Variants in TRIP12 observed in about 807,000 individuals in gnomAD.
The protein encoded by TRIP12 is thyroid hormone receptor interactor 12.
A neutral mutation model predicts 244.2 loss-of-function variants in TRIP12; 25 were observed. The observed-to-expected ratio is 0.10, with a 90% CI of 0.07 to 0.14. TRIP12 has a LOEUF of 0.14. Ranked by LOEUF, TRIP12 falls within the 10% of genes least tolerant of loss-of-function variation. The pLI, the probability that TRIP12 is intolerant of heterozygous loss-of-function variation, is 1.00. For synonymous variants in TRIP12, 905 were observed against 873.1 expected (o/e 1.04, Z -0.64); for missense variants, 1,677 against 2,486.4 (o/e 0.67, Z 6.92).
At chr2:229,867,991 G>C (rs1304084411) in intron 2 of TRIP12, among the ~76,000 whole-genome samples, 2 of 152,070 alleles carry the variant, frequency 1.3e-5, no homozygotes, top group African/African-American at 2.4e-5. Context: ...TTAGACCAAG[G>C]CAACCATGCC....
At position 229,765,431 on chromosome 2, in the gene TRIP12, T is replaced by TTGAAGGAGGAATAAGC. The variant is rs1559245378; in HGVS notation, c.*2107_*2122dup. The TTGAAGGAGGAATAAGC allele has an allele frequency of 6.6e-6, 1 of 152,164 alleles. No homozygotes were observed. The highest frequency in any genetic ancestry group is 1.5e-5 in the Non-Finnish European group (1 of 68,028). 9.4% of individuals were successfully genotyped at this position (152,164 alleles called of 1,614,324 possible). On this transcript the variant is annotated 3_prime_UTR_variant, in exon 42 of 42. Coordinates refer to ENST00000675903, the MANE Select transcript of TRIP12 (RefSeq NM_001348323.3). ...CCAAATTAACCAAAGGTCCCGTGTA[T>TTGAAGGAGGAATAAGC]TGAAGGAGGAATAAGCTAAAGGCTG...
chr2:229,831,434 C>A (rs377727241), intron 6 of TRIP12, among the ~76,000 whole-genome samples: 12 of 152,240 alleles, frequency 7.9e-5, no homozygotes, highest in African/African-American at 2.9e-4. Context: ...CAACACTTTG[C>A]GGACCATGGC....
At position 229,881,750 on chromosome 2, in the gene TRIP12, T is replaced by C. The variant is rs372341836; in HGVS notation, c.-49-1622A>G. Among the ~76,000 whole-genome samples, 10 of 152,324 alleles carry C rather than the reference T, an allele frequency of 6.6e-5. No individual in the cohort carries two copies. The East Asian group carries it at 9.6e-4, about 15-fold the overall frequency. ...ACTTATGCGTACTGATATGGAAAGATATGAAACTCTCATTTGTGTGTATGT... is the reference window on the plus strand; with the variant it reads ...ACTTATGCGTACTGATATGGAAAGACATGAAACTCTCATTTGTGTGTATGT... On this transcript the variant is annotated intron_variant, in intron 1 of 41. Coordinates refer to ENST00000675903, the MANE Select transcript of TRIP12 (RefSeq NM_001348323.3).
intron 41 of TRIP12, 90 bp downstream of exon 41, chr2:229,768,526 T>A (rs940164029): frequency 2.3e-5 from 27 of 1,188,304 alleles, no homozygotes; most frequent in Middle Eastern, 3.9e-4. Flanking sequence ...GCAAGTGAGA[T>A]AAAGAATCTC....
Position 229,840,153 on chromosome 2 carries a change from C to G in TRIP12, c.1133+669G>C, listed in dbSNP as rs2056023572. 2.0e-5 allele frequency among the ~76,000 whole-genome samples: 3 copies of G among 152,308 alleles called. No individual in the cohort carries two copies. The South Asian group carries it at 6.2e-4, about 32-fold the overall frequency. On this transcript the variant is annotated intron_variant, in intron 5 of 41. Transcript: ENST00000675903. ...ACTACCTTTTAAAAACAACCCAAAT[C>G]TGCATAAAGATGCTCATTAGAAGTA...
chr2:229,794,116 A>C (rs2042211218), intron 26 of TRIP12, among the ~76,000 whole-genome samples: 1 of 152,230 alleles, frequency 6.6e-6, no homozygotes, highest in Non-Finnish European at 1.5e-5. Flanking sequence ...TCCTCCAGGA[A>C]ATCATAACGA....
chr2:229,906,462 C>G (rs1196904960), intron 1 of TRIP12, among the ~76,000 whole-genome samples: 1 of 151,042 alleles, frequency 6.6e-6, no homozygotes, highest in Non-Finnish European at 1.5e-5. Flanking sequence ...TGGCTCACAA[C>G]TGTAATCCCA....
intron 5 of TRIP12, among the ~76,000 whole-genome samples, chr2:229,838,325 T>A (rs1200310856): frequency 6.6e-6 from 1 of 152,222 alleles, no homozygotes; most frequent in East Asian, 1.9e-4. Flanking sequence ...CTGACCACTT[T>A]GGATACATAG....
chr2:229,881,448 G>C (rs906675419), intron 1 of TRIP12, among the ~76,000 whole-genome samples: 1 of 152,164 alleles, frequency 6.6e-6, no homozygotes, highest in African/African-American at 2.4e-5. Flanking sequence ...TGGTGCCAAA[G>C]AGAATGCAAA....
intron 4 of TRIP12, among the ~76,000 whole-genome samples, 171 bp from the exon 5 acceptor site, chr2:229,841,098 T>C (rs1245351443): frequency 6.6e-6 from 1 of 152,224 alleles, no homozygotes; most frequent in Non-Finnish European, 1.5e-5. Flanking sequence ...AAAAAGCTAA[T>C]GGTACTTGGC....
chr2:229,897,062 T>C (rs920272923), intron 1 of TRIP12, among the ~76,000 whole-genome samples: 2 of 152,192 alleles, frequency 1.3e-5, no homozygotes, highest in Admixed American at 6.5e-5. Context: ...CTATGCATGT[T>C]GAGGGGTAGA....
At position 229,778,932 on chromosome 2, in the gene TRIP12, T is replaced by A; in HGVS notation, c.5153A>T (p.Gln1718Leu). 1 of 1,613,988 alleles carries A rather than the reference T, an allele frequency of 6.2e-7. No homozygotes were observed. Among genetic ancestry groups the A allele is most frequent in the Non-Finnish European group, 8.5e-7 (1 of 1,179,864 alleles). ...EFYALVSQEL[Q>L]RADLGLWRGE... The stretch of plus-strand genomic sequence containing the variant: ...TCTCCAAAGACCCAAGTCAGCTCTC[T>A]GTAGTTCCTGAGATACAAGCGCATA... The change falls in exon 35 of 42, where the codon CAG becomes CTG. Residue 1718 changes from glutamine to leucine, a missense_variant. Transcript: ENST00000675903. This position sits in a 1 kb window ranked among gnomAD's most constrained non-coding sequence, Gnocchi z 4.1.
At chr2:229,900,023 G>C (rs1014265704) in intron 1 of TRIP12, among the ~76,000 whole-genome samples, 1 of 152,160 alleles carries the variant, frequency 6.6e-6, no homozygotes, top group Non-Finnish European at 1.5e-5. Flanking sequence ...TCTGTTGTTT[G>C]GTTTGTTTTT....
At chr2:229,815,425 C>T in intron 9 of TRIP12, 117 bp from the exon 10 acceptor site, 1 of 627,174 alleles carries the variant, frequency 1.6e-6, no homozygotes, top group South Asian at 2.2e-5. Flanking sequence ...TAACTTTTAC[C>T]ACACAAAAAT....
Position 229,793,162 on chromosome 2 carries a change from A to G in TRIP12, c.3969-17T>C, listed in dbSNP as rs774173524. On this transcript the variant is annotated splice_polypyrimidine_tract_variant and intron_variant, in intron 26 of 41. Coordinates refer to ENST00000675903, the MANE Select transcript of TRIP12 (RefSeq NM_001348323.3). ...AGAGAAAAGCTCAAGATAATTTGTG[A>G]AAAAAAAGTTAGTCTATTATTTTCA... 46 of 1,596,304 alleles carry G rather than the reference A, an allele frequency of 2.9e-5. No individual in the cohort carries two copies. The African/African-American group carries it at 5.1e-4, about 18-fold the overall frequency.
chr2:229,862,239 T>C (rs1414808379), intron 2 of TRIP12, among the ~76,000 whole-genome samples: 3 of 152,230 alleles, frequency 2.0e-5, no homozygotes, highest in Non-Finnish European at 4.4e-5. Flanking sequence ...AAATTTTGCT[T>C]TAACCAATGA....
At chr2:229,821,765 T>C (rs930419772) in intron 8 of TRIP12, among the ~76,000 whole-genome samples, 1 of 152,190 alleles carries the variant, frequency 6.6e-6, no homozygotes, top group African/African-American at 2.4e-5. Context: ...CAGAAGCCTA[T>C]AGTGCTTTAG....
At position 229,769,354 on chromosome 2, in the gene TRIP12, T is replaced by A. The variant is rs952365447; in HGVS notation, c.5809-29A>T. On this transcript the variant is annotated intron_variant, in intron 39 of 41. Coordinates refer to ENST00000675903, the MANE Select transcript of TRIP12 (RefSeq NM_001348323.3). ...TGAGTTTAAATAAGGGTAAAAAGAA[T>A]TACTAAGGAAACATTTGTTTACGTG... The A allele has an allele frequency of 1.9e-6, 3 of 1,605,480 alleles. 1 individual carries two copies. Among genetic ancestry groups the A allele is most frequent in the African/African-American group, 2.7e-5 (2 of 74,624 alleles).
chr2:229,839,111 T>C (rs1239725872), intron 5 of TRIP12, among the ~76,000 whole-genome samples: 1 of 152,350 alleles, frequency 6.6e-6, no homozygotes, highest in African/African-American at 2.4e-5. Context: ...ATGACCGTGG[T>C]CCTGCAAGAT....
Sources: gnomAD v4.1 joint callset for allele counts (sites outside exome capture counted in the v4.1 genomes callset) on GRCh38, gnomAD v4.1.1 for gene constraint, Gnocchi (gnomAD v3.1) non-coding constraint, MANE v1.5 for transcripts, NCBI Gene and HGNC (gene_info 2026-07-23, HGNC 2026-07-21) for gene names.